The following GTF3C1 variants were observed in gnomAD, a reference collection of about 807,000 sequenced individuals.
The protein encoded by GTF3C1 is general transcription factor IIIC subunit 1, also known as general transcription factor 3C polypeptide 1.
GTF3C1 carries 57 observed loss-of-function variants against 226.7 expected under a neutral mutation model. The ratio of observed to expected loss-of-function variants is 0.25; its 90% CI spans 0.20 to 0.31. The LOEUF (loss-of-function observed/expected upper bound fraction) is 0.31. Among genes scored for constraint, GTF3C1 ranks in the 10% least tolerant of loss-of-function variants. The probability of loss-of-function intolerance (pLI) is 1.00; values close to 1 mark genes in which losing one functional copy is unlikely to be tolerated. For missense variants in GTF3C1, 2,217 were observed against 2,776.1 expected, an observed-to-expected ratio of 0.80 and a Z score of 4.53; for synonymous variants, 1,090 against 1,084.8, an observed-to-expected ratio of 1.00 and a Z score of -0.09.
intron 1 of GTF3C1, 111 bp downstream of exon 1, chr16:27,549,559 G>C (rs936632770): frequency 7.4e-6 from 5 of 677,986 alleles, no homozygotes; most frequent in East Asian, 2.8e-5. Flanking sequence ...CAATCAACAG[G>C]CCTCCGGTAC....
At position 27,494,784 on chromosome 16, in the gene GTF3C1, C is replaced by G; in HGVS notation, c.2757G>C (p.Gln919His). The G allele has an allele frequency of 2.5e-6, 4 of 1,613,182 alleles. No homozygotes were observed. Among genetic ancestry groups the G allele is most frequent in the Non-Finnish European group, 3.4e-6 (4 of 1,179,152 alleles). The change falls in exon 16 of 37, where the codon CAG becomes CAC. Residue 919 changes from glutamine to histidine, a missense_variant. By Grantham distance (24) the Gln-to-His change is conservative (BLOSUM62 0). Transcript: ENST00000356183. ...ATACCTTGTAGCTGACTTGCACAAT[C>G]TGGATGAAGATGGAGAGGGGAAGGC... ...LLCLPLSIFI[Q>H]IVQVSYKVDN...
intron 2 of GTF3C1, among the ~76,000 whole-genome samples, chr16:27,542,312 G>A (rs540402363): frequency 6.6e-6 from 1 of 152,344 alleles, no homozygotes; most frequent in Admixed American, 6.5e-5. Flanking sequence ...TGTAATCCCA[G>A]CAGTTTGGGA....
At chr16:27,539,857 C>G (rs932493712) in intron 2 of GTF3C1, among the ~76,000 whole-genome samples, 8 of 152,140 alleles carry the variant, frequency 5.3e-5, no homozygotes, top group Non-Finnish European at 1.2e-4. Context: ...CCCCTTGAAC[C>G]ATGAACCAAA....
chr16:27,536,638 A>G (rs771097494), intron 4 of GTF3C1, among the ~76,000 whole-genome samples: 3 of 152,228 alleles, frequency 2.0e-5, no homozygotes, highest in Non-Finnish European at 4.4e-5. Context: ...ACCCATGTGC[A>G]CTGTAAACTT....
intron 12 of GTF3C1, among the ~76,000 whole-genome samples, chr16:27,500,857 T>C (rs2088394871): frequency 2.0e-5 from 3 of 152,248 alleles, no homozygotes. Flanking sequence ...TCTTGCTGCT[T>C]AGTCTAAATT....
At chr16:27,521,672 C>T (rs540437701) in intron 6 of GTF3C1, among the ~76,000 whole-genome samples, 3 of 152,350 alleles carry the variant, frequency 2.0e-5, no homozygotes, top group African/African-American at 7.2e-5. Flanking sequence ...TAAGTTCTGG[C>T]TTTCAACAGA....
Position 27,461,064 on chromosome 16 carries a change from A to G in GTF3C1, c.*286T>C. 1 of 368,290 alleles carries G rather than the reference A, an allele frequency of 2.7e-6. No homozygotes were observed. The highest frequency in any genetic ancestry group is 5.0e-6 in the Non-Finnish European group (1 of 200,164). 22.8% of individuals were successfully genotyped at this position (368,290 alleles called of 1,614,324 possible). On this transcript the variant is annotated 3_prime_UTR_variant, in exon 37 of 37. Transcript: ENST00000356183. The surrounding 1 kb of genome is among the most constrained non-coding windows in gnomAD (Gnocchi z 5.3). ...TGTGAGGTGTGCACAGGCGGGGCAA[A>G]CTCTGGAGACCCAGAGACAAGAAGC... is the stretch of plus-strand genomic sequence containing the variant.
intron 6 of GTF3C1, among the ~76,000 whole-genome samples, chr16:27,518,491 G>A (rs1457571454): frequency 6.6e-6 from 1 of 152,208 alleles, no homozygotes; most frequent in African/African-American, 2.4e-5. Flanking sequence ...GTAGTGCTCT[G>A]TAGATGTTTG....
intron 6 of GTF3C1, among the ~76,000 whole-genome samples, chr16:27,518,795 T>C (rs546413537): frequency 6.6e-6 from 1 of 152,282 alleles, no homozygotes; most frequent in African/African-American, 2.4e-5. Context: ...GGCTCAGCCA[T>C]GGGGAAGCTC....
At chr16:27,492,000 T>A (rs377170213) in intron 19 of GTF3C1, among the ~76,000 whole-genome samples, 18 of 152,260 alleles carry the variant, frequency 1.2e-4, no homozygotes, top group African/African-American at 4.1e-4. Flanking sequence ...ATTTTGAGTC[T>A]CACGAAGGCA....
chr16:27,532,741 T>C (rs528754577), intron 5 of GTF3C1, among the ~76,000 whole-genome samples: 3 of 152,314 alleles, frequency 2.0e-5, no homozygotes, highest in East Asian at 3.9e-4. Flanking sequence ...CATTTTCCTA[T>C]TCCGTCTGAA....
chr16:27,529,102 CCT>C (rs932157269), intron 5 of GTF3C1, among the ~76,000 whole-genome samples: 34 of 152,144 alleles, frequency 2.2e-4, no homozygotes, highest in African/African-American at 8.0e-4. Flanking sequence ...GATACACACC[CCT>C]GTCCCCCATG....
At chr16:27,534,719 GTTAC>G (rs1164771025) in intron 4 of GTF3C1, among the ~76,000 whole-genome samples, 7 of 152,212 alleles carry the variant, frequency 4.6e-5, no homozygotes, top group Admixed American at 1.3e-4. Context: ...TGGTGAGACA[GTTAC>G]TTAACCAATG....
Position 27,493,219 on chromosome 16 carries a change from C to T in GTF3C1, c.2856G>A (p.Arg952=). ...CTCACCTCTTGTACAGAAGCTGCTG[C>T]CGAATGGGCCTGGGGAGAAAGCGGA... ...TLIRFLPRPI[R]QQLLYKRRYI... The change falls in exon 17 of 37, where the codon CGG becomes CGA. Residue 952 remains arginine (R), a synonymous_variant. Coordinates refer to ENST00000356183, the MANE Select transcript of GTF3C1 (RefSeq NM_001520.4). 1 of 1,606,870 alleles carries T rather than the reference C, an allele frequency of 6.2e-7. No homozygotes were observed. The highest frequency in any genetic ancestry group is 8.5e-7 in the Non-Finnish European group (1 of 1,173,426).
chr16:27,526,446 G>A (rs981454422), intron 6 of GTF3C1, among the ~76,000 whole-genome samples: 1 of 152,210 alleles, frequency 6.6e-6, no homozygotes, highest in African/African-American at 2.4e-5. Flanking sequence ...GACAATGCCA[G>A]ACTTCTGTCT....
intron 2 of GTF3C1, among the ~76,000 whole-genome samples, chr16:27,538,632 A>G (rs2089036454): frequency 6.6e-6 from 1 of 152,138 alleles, no homozygotes; most frequent in African/African-American, 2.4e-5. Context: ...GCTCAGGCCA[A>G]ATCCAACTCC....
chr16:27,491,013 A>G (rs1455993002), intron 19 of GTF3C1, among the ~76,000 whole-genome samples: 1 of 152,230 alleles, frequency 6.6e-6, no homozygotes, highest in East Asian at 1.9e-4. Context: ...ATCTAGATAT[A>G]AAATGCAGGG....
chr16:27,523,198 A>G (rs1024005610), intron 6 of GTF3C1, among the ~76,000 whole-genome samples: 15 of 152,194 alleles, frequency 9.9e-5, no homozygotes, highest in Non-Finnish European at 2.9e-5. Context: ...TTTAATAAAC[A>G]CAGGATGACT....
chr16:27,548,796 C>T (rs765751514), intron 1 of GTF3C1, among the ~76,000 whole-genome samples: 6 of 152,182 alleles, frequency 3.9e-5, no homozygotes, highest in Non-Finnish European at 5.9e-5. Flanking sequence ...TCCTGTTTAA[C>T]GGAGTTTAAT....
Sources: allele counts gnomAD v4.1 joint callset (sites outside exome capture counted in the v4.1 genomes callset), GRCh38; gene constraint gnomAD v4.1.1; non-coding constraint Gnocchi (gnomAD v3.1); transcripts MANE v1.5; gene names NCBI Gene and HGNC (gene_info 2026-07-23, HGNC 2026-07-21).